SNX31: variants seen among roughly 807,000 people sequenced by gnomAD.
The protein encoded by SNX31 is sorting nexin-31.
A neutral mutation model predicts 65.4 loss-of-function variants in SNX31; 58 were observed. That is an observed-to-expected ratio of 0.89 (90% CI 0.72 to 1.10). SNX31 has a LOEUF of 1.10. Ranked by LOEUF, SNX31 falls within the 50% of genes least tolerant of loss-of-function variation. The pLI is 0.00. For synonymous variants in SNX31, 181 were observed against 190.1 expected (o/e 0.95, Z 0.39); for missense variants, 523 against 529.7 (o/e 0.99, Z 0.12).
In SNX31 at chr8:100,588,758, C is replaced by A; in HGVS notation, c.1092+108G>T. ...GTCCCGAACGAGAGTGCATAGAACA[C>A]TTTAGGGTCCTGCTCTAGTTGGGTT... is the stretch of plus-strand genomic sequence containing the variant. On this transcript the variant is annotated intron_variant, in intron 11 of 13. Transcript: ENST00000311812. The surrounding 1 kb of genome is among the most constrained non-coding windows in gnomAD (Gnocchi z 4.8). 2.8e-6 allele frequency: 2 copies of A among 721,578 alleles called. No homozygotes were observed. Among genetic ancestry groups the A allele is most frequent in the Non-Finnish European group, 4.8e-6 (2 of 415,178 alleles). The allele number at this position is 721,578 out of a possible 1,614,324, so 44.7% of individuals were successfully genotyped here. A position where few individuals can be genotyped will look rare whatever the true frequency, so the allele number is the denominator to read the frequency against.
chr8:100,587,635 C>G (rs1814167965), intron 11 of SNX31, among the ~76,000 whole-genome samples: 1 of 152,176 alleles, frequency 6.6e-6, no homozygotes, highest in Non-Finnish European at 1.5e-5. Context: ...TGCCCGACAA[C>G]CACAGATGGT....
chr8:100,601,801 A>G (rs143864820), intron 8 of SNX31, among the ~76,000 whole-genome samples: 445 of 152,342 alleles, frequency 2.9e-3, no homozygotes, highest in African/African-American at 0.01. Context: ...ATCGCCTTGA[A>G]GGCAATGGCC....
intron 1 of SNX31, 26 bp from the exon 2 acceptor site, chr8:100,649,374 C>T (rs1819872413): frequency 1.2e-6 from 2 of 1,613,082 alleles, no homozygotes; most frequent in Non-Finnish European, 1.7e-6. Flanking sequence ...CACCCCGTCC[C>T]TGGTGAGCCG....
At chr8:100,662,378 T>C (rs1160415006) in intron 1 of SNX31, among the ~76,000 whole-genome samples, 1 of 152,210 alleles carries the variant, frequency 6.6e-6, no homozygotes, top group Non-Finnish European at 1.5e-5. Context: ...TTGTACCATG[T>C]ATTTGCAGCA....
intron 3 of SNX31, among the ~76,000 whole-genome samples, chr8:100,632,217 C>T (rs1190513578): frequency 6.6e-6 from 1 of 152,090 alleles, no homozygotes; most frequent in Non-Finnish European, 1.5e-5. Flanking sequence ...TGAATAAAGA[C>T]CAGGCCTGGA....
intron 10 of SNX31, among the ~76,000 whole-genome samples, chr8:100,595,007 C>T (rs1003499013): frequency 2.6e-5 from 4 of 152,188 alleles, no homozygotes. Context: ...CCTGAATGAA[C>T]TTCCAACAAA....
At chr8:100,650,459 A>T (rs1212260381), upstream of SNX31, among the ~76,000 whole-genome samples, 1 of 152,112 alleles carries the variant, frequency 6.6e-6, no homozygotes, top group Non-Finnish European at 1.5e-5. Context: ...CATTTTTTTC[A>T]TGGGTCTGAG....
chr8:100,607,634 A>G (rs1816295313), intron 8 of SNX31, among the ~76,000 whole-genome samples: 1 of 152,230 alleles, frequency 6.6e-6, no homozygotes, highest in Non-Finnish European at 1.5e-5. Context: ...TTAATTGTAC[A>G]TTTAAAAATA....
intron 3 of SNX31, among the ~76,000 whole-genome samples, chr8:100,632,398 C>T (rs928041426): frequency 2.6e-5 from 4 of 151,730 alleles, no homozygotes; most frequent in African/African-American, 9.7e-5. Flanking sequence ...GAAGTATGGT[C>T]CCATGACAAA....
chr8:100,626,033 C>A lies in SNX31; in HGVS notation c.321+4294G>T, dbSNP rs1381943325. Among the ~76,000 whole-genome samples the A allele has an allele frequency of 6.6e-6, 1 of 152,134 alleles. No homozygotes were observed. Among genetic ancestry groups the A allele is most frequent in the East Asian group, 1.9e-4 (1 of 5,190 alleles). On this transcript the variant is annotated intron_variant, in intron 4 of 13. Coordinates refer to ENST00000311812, the MANE Select transcript of SNX31 (RefSeq NM_152628.4). This position sits in a 1 kb window ranked among gnomAD's most constrained non-coding sequence, Gnocchi z 4.4. ...CCTGAGGTCAGGAGTTCAAGACCAG[C>A]CTGACCAACATGGAGAAACCCCATC...
rs1388067956 is a variant in SNX31, at chr8:100,588,157, T to C, written c.1092+709A>G. Among the ~76,000 whole-genome samples, 4 of 152,134 alleles carry C rather than the reference T, an allele frequency of 2.6e-5. No homozygotes were observed. Among genetic ancestry groups the C allele is most frequent in the Admixed American group, 6.5e-5 (1 of 15,274 alleles). ...AAGGTACAGTAAAAATACTGAGTTA[T>C]AAACTTATGGGACCACTGCCATATA... On this transcript the variant is annotated intron_variant, in intron 11 of 13. Coordinates refer to ENST00000311812, the MANE Select transcript of SNX31 (RefSeq NM_152628.4). This position sits in a 1 kb window ranked among gnomAD's most constrained non-coding sequence, Gnocchi z 4.8.
intron 8 of SNX31, among the ~76,000 whole-genome samples, chr8:100,607,285 T>A (rs1357901603): frequency 2.6e-5 from 4 of 152,166 alleles, no homozygotes; most frequent in Non-Finnish European, 5.9e-5. Flanking sequence ...CTGGAAAAGA[T>A]CAGGTCTCCG....
chr8:100,652,712 G>A (rs1819996326), upstream of SNX31, among the ~76,000 whole-genome samples: 1 of 152,084 alleles, frequency 6.6e-6, no homozygotes, highest in African/African-American at 2.4e-5. Context: ...GGATAATGAG[G>A]TATGGCTCTG....
rs1818340409 is a variant in SNX31 at position 100,630,476 on chromosome 8, C to T, written c.257-85G>A. On this transcript the variant is annotated intron_variant, in intron 3 of 13. Coordinates refer to ENST00000311812, the MANE Select transcript of SNX31 (RefSeq NM_152628.4). This position sits in a 1 kb window ranked among gnomAD's most constrained non-coding sequence, Gnocchi z 5.3. ...TTGCTATGTCCTCCAGAGATCCCTC[C>T]ATGCCTTGCCAGTGCTCTGTCTCCT... The T allele has an allele frequency of 9.1e-7, 1 of 1,102,308 alleles. No homozygotes were observed. The highest frequency in any genetic ancestry group is 2.6e-5 in the Admixed American group (1 of 37,756). The allele number at this position is 1,102,308 out of a possible 1,614,324, so 68.3% of individuals were successfully genotyped here. A position where few individuals can be genotyped will look rare whatever the true frequency, so the allele number is the denominator to read the frequency against.
At position 100,592,041 on chromosome 8, in the gene SNX31, C is replaced by G. The variant is rs77777361; in HGVS notation, c.979-3062G>C. ...GAAAAATCAATCAATAGTACATACT[C>G]AATGTCAGGTGATAAAAACAAACAA... On this transcript the variant is annotated intron_variant, in intron 10 of 13. Coordinates refer to ENST00000311812, the MANE Select transcript of SNX31 (RefSeq NM_152628.4). Among the ~76,000 whole-genome samples the G allele has an allele frequency of 3.4e-3, 523 of 152,138 alleles. 8 individuals carry two copies. The highest frequency in any genetic ancestry group is 0.025 in the East Asian group (131 of 5,170).
Position 100,608,555 on chromosome 8 carries a change from G to T in SNX31, c.620C>A (p.Ala207Asp), listed in dbSNP as rs149348754. The change falls in exon 8 of 14, where the codon GCT becomes GAT. Residue 207 changes from alanine to aspartate, a missense_variant. Physicochemically the swap from Ala to Asp is moderately radical, Grantham distance 126. Transcript: ENST00000311812. ...CKVGLRKWYM[A>D]PSLDSVLMDC... is the part of the protein sequence containing the mutation. ...CATCAGCACGGAGTCGAGGGATGGA[G>T]CCATATACCTGCAAAATTCAGGAGT... 4.3e-4 allele frequency: 702 copies of T among 1,613,844 alleles called. 4 individuals are homozygous for T. The African/African-American group carries it at 8.1e-3, about 19-fold the overall frequency.
chr8:100,656,504 G>T (rs1820053835), intron 1 of SNX31, among the ~76,000 whole-genome samples: 1 of 151,984 alleles, frequency 6.6e-6, no homozygotes. Flanking sequence ...AGCCAGGCGT[G>T]GTTGTGGGTG....
chr8:100,621,946 G>A (rs1181297988), intron 4 of SNX31, among the ~76,000 whole-genome samples: 2 of 152,222 alleles, frequency 1.3e-5, no homozygotes, highest in African/African-American at 2.4e-5. Flanking sequence ...AGCAAATGGA[G>A]GGAAGCTCTG....
intron 8 of SNX31, among the ~76,000 whole-genome samples, chr8:100,603,078 C>T (rs1815796469): frequency 6.6e-6 from 1 of 152,158 alleles, no homozygotes; most frequent in African/African-American, 2.4e-5. Flanking sequence ...ACATCAAGCC[C>T]TTCTTCCCTT....
Sources: gnomAD v4.1 joint callset for allele counts (sites outside exome capture counted in the v4.1 genomes callset) on GRCh38, gnomAD v4.1.1 for gene constraint, Gnocchi (gnomAD v3.1) non-coding constraint, MANE v1.5 for transcripts, NCBI Gene and HGNC (gene_info 2026-07-23, HGNC 2026-07-21) for gene names.